Variants in ATP5F1A observed in about 807,000 individuals in gnomAD.
The protein encoded by ATP5F1A is ATP synthase F(1) complex subunit alpha, mitochondrial.
In ATP5F1A, 24 loss-of-function variants were observed where a neutral mutation model predicts 57.4. That is an observed-to-expected ratio of 0.42 (90% confidence interval 0.30 to 0.59). The LOEUF (loss-of-function observed/expected upper bound fraction) is 0.59. ATP5F1A is among the 20% of genes least tolerant of loss of function. ATP5F1A has a pLI of 0.19. For missense variants in ATP5F1A, 494 were observed against 707.9 expected (o/e 0.70, Z 3.43); for synonymous variants, 251 against 255.5 (o/e 0.98, Z 0.17).
chr18:46,102,136 T>C (rs2144233627), upstream of ATP5F1A, among the ~76,000 whole-genome samples: 1 of 148,868 alleles, frequency 6.7e-6, no homozygotes, highest in African/African-American at 2.5e-5. Context: ...ATTGCTCAAC[T>C]GCACTCCAGC....
intron 10 of ATP5F1A, chr18:46,085,265 A>C (rs1909995967): frequency 6.6e-6 from 1 of 151,236 alleles, no homozygotes; most frequent in South Asian, 2.1e-4. Context: ...ATTTCTACTA[A>C]AAATATACTC....
chr18:46,097,822 G>A (rs1419713011), intron 1 of ATP5F1A: 4 of 1,100,720 alleles, frequency 3.6e-6, no homozygotes, highest in Non-Finnish European at 4.4e-6. Context: ...AGAATCGAAA[G>A]AGAGGAACCT....
rs1406616064 is a variant in ATP5F1A, at chr18:46,088,236, G to T, written c.672C>A (p.Asp224Glu). 6.3e-7 allele frequency: 1 copy of T among 1,583,872 alleles called. No homozygotes were observed. Among genetic ancestry groups the T allele is most frequent in the Non-Finnish European group, 8.5e-7 (1 of 1,172,726 alleles). ...TGAAACGTTTCTGGTTAATGATTGTGTCAATAGCAATTGAGGTTTTCCTTT... is the reference window on the plus strand; with the variant it reads ...TGAAACGTTTCTGGTTAATGATTGTTTCAATAGCAATTGAGGTTTTCCTTT... ...RQTGKTSIAI[D>E]TIINQKRFND... Residue 224 changes from aspartate to glutamate, a missense_variant, in exon 6 of 12, where the codon GAC becomes GAA. Physicochemically the swap from Asp to Glu is conservative, Grantham distance 45. Transcript: ENST00000398752.
Position 46,089,699 on chromosome 18 carries a change from C to G in ATP5F1A, c.517G>C (p.Gly173Arg). 3.1e-6 allele frequency: 5 copies of G among 1,614,210 alleles called. No homozygotes were observed. The highest frequency in any genetic ancestry group is 4.2e-6 in the Non-Finnish European group (5 of 1,180,034). Residue 173 changes from glycine (G) to arginine (R), a missense_variant, in exon 5 of 12, where the codon GGT (glycine) becomes CGT (arginine). This residue lies in a region of ATP5F1A where 191 missense variants were observed against 267.7 expected (regional missense o/e 0.71). Transcript: ENST00000398752. Reference sequence around the variant, plus strand: ...GGAATGATACCGGGGGCTTTCAGACCAACTCGCCTACGCGTCTTGGAACCA... The same window carrying G: ...GGAATGATACCGGGGGCTTTCAGACGAACTCGCCTACGCGTCTTGGAACCA... ...PIGSKTRRRV[G>R]LKAPGIIPRI...
upstream of ATP5F1A, among the ~76,000 whole-genome samples, chr18:46,101,892 A>AT (rs398041361): frequency 7.0e-6 from 1 of 142,774 alleles, no homozygotes; most frequent in Admixed American, 7.0e-5. Context: ...AAAAAAAAAA[A>AT]GGCCGGGCAT....
In ATP5F1A at chr18:46,082,131, C is replaced by G. The variant is rs1243288589; in HGVS notation, c.*2151G>C. 1 of 150,304 alleles carries G rather than the reference C, an allele frequency of 6.7e-6. No individual in the cohort carries two copies. The highest frequency in any genetic ancestry group is 2.4e-5 in the African/African-American group (1 of 40,856). The allele number at this position is 150,304 out of a possible 1,614,324, so 9.3% of individuals were successfully genotyped here. ...GGGCGCGGTGGCTCAAGCCTGTAAT[C>G]CCAGCACTTTGGGAGGCCGAGGTAA... On this transcript the variant is annotated 3_prime_UTR_variant, in exon 12 of 12. Coordinates refer to ENST00000398752, the MANE Select transcript of ATP5F1A (RefSeq NM_004046.6).
upstream of ATP5F1A, among the ~76,000 whole-genome samples, chr18:46,102,573 C>G (rs1341071348): frequency 6.6e-6 from 1 of 152,156 alleles, no homozygotes. Flanking sequence ...ATCCACCTGC[C>G]TCGGCCTCCC....
intron 6 of ATP5F1A, 137 bp downstream of exon 6, chr18:46,087,972 T>C: frequency 1.1e-6 from 1 of 890,204 alleles, no homozygotes; most frequent in Non-Finnish European, 1.7e-6. Context: ...TTACATTGTC[T>C]TACCTACTGA....
At chr18:46,102,274 G>A (rs1318291812), upstream of ATP5F1A, among the ~76,000 whole-genome samples, 1 of 152,038 alleles carries the variant, frequency 6.6e-6, no homozygotes, top group East Asian at 1.9e-4. Flanking sequence ...CTGAAGGGCT[G>A]CACCAGTTTA....
intron 8 of ATP5F1A, 144 bp downstream of exon 8, chr18:46,086,864 C>T: frequency 1.1e-6 from 1 of 890,170 alleles, no homozygotes; most frequent in South Asian, 1.8e-5. Context: ...ATGCCATTCT[C>T]CTAACTTTTC....
intron 5 of ATP5F1A, 99 bp from the exon 6 acceptor site, chr18:46,088,356 A>G: frequency 9.0e-7 from 1 of 1,114,308 alleles, no homozygotes; most frequent in Non-Finnish European, 1.3e-6. Context: ...GTCTATGCAG[A>G]AAGAAGAAGA....
chr18:46,091,536 T>A, intron 3 of ATP5F1A, 146 bp downstream of exon 3: 1 of 893,580 alleles, frequency 1.1e-6, no homozygotes, highest in Non-Finnish European at 1.6e-6. Context: ...GTTTATTCTC[T>A]TTACAATCTA....
chr18:46,098,305 G>A (rs1391415720), upstream of ATP5F1A: 5 of 1,514,490 alleles, frequency 3.3e-6, no homozygotes, highest in South Asian at 1.2e-5. Flanking sequence ...TGGCCGAGCC[G>A]CAAAGAAGGT....
At chr18:46,087,860 A>C in intron 6 of ATP5F1A, 1 of 491,094 alleles carries the variant, frequency 2.0e-6, no homozygotes, top group Non-Finnish European at 3.5e-6. Context: ...AGCCTGGGCA[A>C]CAAGAGTGAA....
rs1008815288 is a variant in ATP5F1A, at chr18:46,080,922, G to A, written c.*3360C>T. On this transcript the variant is annotated 3_prime_UTR_variant, in exon 12 of 12. Transcript: ENST00000398752. The stretch of plus-strand genomic sequence containing the variant: ...AGGCACGTGGATCATCTAAGGTCAG[G>A]AGTTCGAAACCAGCCTGGCCAACAT... 2 of 151,410 alleles carry A rather than the reference G, an allele frequency of 1.3e-5. No homozygotes were observed. Among genetic ancestry groups the A allele is most frequent in the African/African-American group, 2.4e-5 (1 of 41,194 alleles). 9.4% of individuals were successfully genotyped at this position (151,410 alleles called of 1,614,324 possible).
At chr18:46,094,562 G>C in intron 2 of ATP5F1A, 1 of 152,240 alleles carries the variant, frequency 6.6e-6, no homozygotes, top group Non-Finnish European at 1.5e-5. Context: ...AGCTAGTCAG[G>C]AGACTGAGGC....
chr18:46,091,791 T>C lies in ATP5F1A; in HGVS notation c.200A>G (p.Asp67Gly). 6.2e-7 allele frequency: 1 copy of C among 1,613,922 alleles called. No homozygotes were observed. Among genetic ancestry groups the C allele is most frequent in the Non-Finnish European group, 8.5e-7 (1 of 1,179,996 alleles). Reference protein sequence around the residue: ...ERILGADTSVDLEETGRVLSI... With the variant: ...ERILGADTSVGLEETGRVLSI... ...TAAGACACGCCCAGTTTCTTCAAGATCAACAGAGGTATCAGCTCCAAGAAT... is the reference window on the plus strand; with the variant it reads ...TAAGACACGCCCAGTTTCTTCAAGACCAACAGAGGTATCAGCTCCAAGAAT... Residue 67 changes from aspartate (D) to glycine (G), a missense_variant, in exon 3 of 12, where the codon GAT becomes GGT. This residue lies in a region of ATP5F1A where 142 missense variants were observed against 137.5 expected (regional missense o/e 1.03). Transcript: ENST00000398752.
chr18:46,098,187 A>T lies in ATP5F1A; in HGVS notation c.45T>A (p.Pro15=), dbSNP rs144581146. The T allele has an allele frequency of 2.1e-4, 345 of 1,605,628 alleles. 1 individual carries two copies. In the East Asian group the frequency reaches 7.0e-3, roughly 33 times the overall value. ...CGGTGCTCACCAGTCCGGCCCGCCG[A>T]GGAAGGGCGCGGACCACGGCCGCAG... ...RVAAAVVRAL[P]RRAGLVSRNA... is the part of the protein sequence containing the mutation. The change falls in exon 1 of 12, where the codon CCT becomes CCA. Residue 15 remains proline, a synonymous_variant. Coordinates refer to ENST00000398752, the MANE Select transcript of ATP5F1A (RefSeq NM_004046.6).
In ATP5F1A at chr18:46,084,011, C is replaced by G; in HGVS notation, c.*271G>C. The G allele has an allele frequency of 4.4e-6, 1 of 226,296 alleles. No individual in the cohort carries two copies. Among genetic ancestry groups the G allele is most frequent in the Admixed American group, 5.9e-5 (1 of 17,068 alleles). The allele number at this position is 226,296 out of a possible 1,614,324, so 14.0% of individuals were successfully genotyped here. A position where few individuals can be genotyped will look rare whatever the true frequency, so the allele number is the denominator to read the frequency against. ...AAAAAAAAAACAAAAAAAAAACTTA[C>G]AAAGAGCTCAGCCTTGAATTATCTA... On this transcript the variant is annotated 3_prime_UTR_variant, in exon 12 of 12. Transcript: ENST00000398752.
Sources: allele counts gnomAD v4.1 joint callset (sites outside exome capture counted in the v4.1 genomes callset), GRCh38; gene constraint gnomAD v4.1.1; regional missense constraint gnomAD v4.1.1; transcripts MANE v1.5; gene names NCBI Gene and HGNC (gene_info 2026-07-23, HGNC 2026-07-21).